Variants in CAMK4 observed in about 807,000 individuals in gnomAD.
CAMK4 encodes the protein calcium/calmodulin-dependent protein kinase type IV.
A neutral mutation model predicts 44.9 loss-of-function variants in CAMK4; 22 were observed. That is an observed-to-expected ratio of 0.49 (90% CI 0.35 to 0.70). The LOEUF (loss-of-function observed/expected upper bound fraction) is 0.70. Among genes scored for constraint, CAMK4 ranks in the 30% least tolerant of loss-of-function variants. CAMK4 has a pLI of 0.01. For missense variants in CAMK4, 498 were observed against 586.8 expected, an observed-to-expected ratio of 0.85 and a Z score of 1.56; for synonymous variants, 218 against 215.4, an observed-to-expected ratio of 1.01 and a Z score of -0.11.
At chr5:111,327,695 A>T (rs371349895) in intron 1 of CAMK4, among the ~76,000 whole-genome samples, 1 of 151,054 alleles carries the variant, frequency 6.6e-6, no homozygotes, top group African/African-American at 2.4e-5. Flanking sequence ...TTTAATGATC[A>T]CCATTCTAAC....
intron 5 of CAMK4, among the ~76,000 whole-genome samples, chr5:111,421,656 T>C (rs1456957425): frequency 6.6e-6 from 1 of 152,184 alleles, no homozygotes; most frequent in African/African-American, 2.4e-5. Flanking sequence ...TGTTTTTTTG[T>C]TTGTTTGTTT....
intron 1 of CAMK4, among the ~76,000 whole-genome samples, chr5:111,251,117 GT>G (rs1378013082): frequency 6.6e-6 from 1 of 152,174 alleles, no homozygotes; most frequent in African/African-American, 2.4e-5. Flanking sequence ...TTAGAGTTGC[GT>G]AGCTGTATTT....
rs1386002451 is a variant in CAMK4 at position 111,224,437 on chromosome 5, G to A, written c.-47G>A. Reference sequence around the variant, plus strand: ...GGCTGGCGGCCGGCTTCTCGCTCGGGCAGCGGCGGCGGCGGCGGCGGCGGC... The same window carrying A: ...GGCTGGCGGCCGGCTTCTCGCTCGGACAGCGGCGGCGGCGGCGGCGGCGGC... On this transcript the variant is annotated 5_prime_UTR_variant, in exon 1 of 11. Transcript: ENST00000282356. This position sits in a 1 kb window ranked among gnomAD's most constrained non-coding sequence, Gnocchi z 5.7. 1 of 1,539,562 alleles carries A rather than the reference G, an allele frequency of 6.5e-7. No homozygotes were observed. The highest frequency in any genetic ancestry group is 8.7e-7 in the Non-Finnish European group (1 of 1,146,304).
At chr5:111,278,000 A>G (rs1750848363) in intron 1 of CAMK4, among the ~76,000 whole-genome samples, 1 of 152,236 alleles carries the variant, frequency 6.6e-6, no homozygotes, top group Admixed American at 6.5e-5. Context: ...GAGAAAGAAG[A>G]AAAGTTAGTA....
chr5:111,412,521 A>G (rs1009038562), intron 5 of CAMK4, among the ~76,000 whole-genome samples: 11 of 152,236 alleles, frequency 7.2e-5, no homozygotes, highest in Admixed American at 6.5e-4. Context: ...TCAAACCAGT[A>G]TTTAACACTA....
intron 2 of CAMK4, among the ~76,000 whole-genome samples, chr5:111,370,574 A>T (rs1309587642): frequency 6.6e-6 from 1 of 152,090 alleles, no homozygotes; most frequent in Non-Finnish European, 1.5e-5. Context: ...TGTCCTTAAA[A>T]TTTTCTTTAA....
chr5:111,355,530 T>C (rs1750305092), intron 2 of CAMK4, among the ~76,000 whole-genome samples: 1 of 116,022 alleles, frequency 8.6e-6, no homozygotes. Context: ...ACTTTAAGTT[T>C]TAGGGTACAT....
At chr5:111,429,319 A>G (rs1326111248) in intron 5 of CAMK4, among the ~76,000 whole-genome samples, 1 of 152,192 alleles carries the variant, frequency 6.6e-6, no homozygotes, top group African/African-American at 2.4e-5. Flanking sequence ...AGCTAATACT[A>G]CAGAAATTCA....
intron 2 of CAMK4, among the ~76,000 whole-genome samples, chr5:111,353,990 T>C (rs914832091): frequency 2.6e-5 from 4 of 152,092 alleles, no homozygotes; most frequent in Non-Finnish European, 5.9e-5. Context: ...GTCAATATAT[T>C]AAAGAGGTAG....
intron 4 of CAMK4, among the ~76,000 whole-genome samples, chr5:111,390,029 CA>C (rs1257827588): frequency 6.6e-6 from 1 of 152,076 alleles, no homozygotes; most frequent in Admixed American, 6.6e-5. Context: ...TGAAGCATGT[CA>C]ATTAAATTTT....
chr5:111,406,635 A>T (rs1182713696), intron 5 of CAMK4, among the ~76,000 whole-genome samples: 2 of 151,266 alleles, frequency 1.3e-5, no homozygotes, highest in African/African-American at 2.5e-5. Flanking sequence ...AAGCTTCTAG[A>T]CCAGATGACT....
rs2112506777 is a variant in CAMK4 at position 111,484,755 on chromosome 5, A to T, written c.*289A>T. On this transcript the variant is annotated 3_prime_UTR_variant, in exon 11 of 11. Coordinates refer to ENST00000282356, the MANE Select transcript of CAMK4 (RefSeq NM_001744.6). The surrounding 1 kb of genome is among the most constrained non-coding windows in gnomAD (Gnocchi z 5.3). ...ACATTTTCAGCAACCAGTGGCACAT[A>T]TTTGAAGTGAATAGTAGCAAATTGT... 1.2e-5 allele frequency: 3 copies of T among 260,096 alleles called. No homozygotes were observed. In the South Asian group the frequency reaches 5.2e-4, roughly 45 times the overall value. 16.1% of individuals were successfully genotyped at this position (260,096 alleles called of 1,614,324 possible).
At chr5:111,266,511 G>C (rs1750252512) in intron 1 of CAMK4, among the ~76,000 whole-genome samples, 1 of 152,112 alleles carries the variant, frequency 6.6e-6, no homozygotes, top group South Asian at 2.1e-4. Flanking sequence ...CTTGAGTTTA[G>C]ACACCAGTGG....
In CAMK4 at chr5:111,273,019, C is replaced by G. The variant is rs189591860; in HGVS notation, c.161+48375C>G. ...GTGCCATATCTATTTCTGTGCTTCC[C>G]TGAGTCAGGAGTTGTTGTAAAGGGA... On this transcript the variant is annotated intron_variant, in intron 1 of 10. Transcript: ENST00000282356. Among the ~76,000 whole-genome samples the G allele has an allele frequency of 2.0e-5, 3 of 152,158 alleles. No individual in the cohort carries two copies. In the East Asian group the frequency reaches 5.8e-4, roughly 29 times the overall value.
intron 1 of CAMK4, among the ~76,000 whole-genome samples, chr5:111,285,278 AT>A (rs1215242546): frequency 6.6e-6 from 1 of 152,224 alleles, no homozygotes; most frequent in Non-Finnish European, 1.5e-5. Context: ...CATCTGAGAT[AT>A]TCATGTATCT....
chr5:111,297,467 T>C (rs1033814185), intron 1 of CAMK4, among the ~76,000 whole-genome samples: 2 of 152,224 alleles, frequency 1.3e-5, no homozygotes, highest in Non-Finnish European at 2.9e-5. Flanking sequence ...AGTGTCCTGC[T>C]GAGCCATATT....
intron 1 of CAMK4, among the ~76,000 whole-genome samples, chr5:111,293,022 C>G (rs1031284372): frequency 6.6e-6 from 1 of 152,080 alleles, no homozygotes; most frequent in African/African-American, 2.4e-5. Flanking sequence ...GGGCAGGCTT[C>G]CTGTATTTGA....
chr5:111,441,736 C>G (rs1055422334), intron 5 of CAMK4, among the ~76,000 whole-genome samples: 17 of 152,226 alleles, frequency 1.1e-4, no homozygotes, highest in Admixed American at 6.5e-4. Context: ...TTTATTCTTT[C>G]TAGTGCATTT....
rs1236928292 is a variant in CAMK4, at chr5:111,374,736, A to T, written c.241-114A>T. On this transcript the variant is annotated intron_variant, in intron 2 of 10. Coordinates refer to ENST00000282356, the MANE Select transcript of CAMK4 (RefSeq NM_001744.6). ...GGAAGGAGACACACAAAAGCTAAGG[A>T]ATTAGGCTCTGCGAATTGCCTGATT... 7.7e-5 allele frequency: 53 copies of T among 688,612 alleles called. No homozygotes were observed. In the East Asian group the frequency reaches 1.3e-3, roughly 17 times the overall value. The allele number at this position is 688,612 out of a possible 1,614,324, so 42.7% of individuals were successfully genotyped here.
Sources: allele counts gnomAD v4.1 joint callset (sites outside exome capture counted in the v4.1 genomes callset), GRCh38; gene constraint gnomAD v4.1.1; non-coding constraint Gnocchi (gnomAD v3.1); transcripts MANE v1.5; gene names NCBI Gene and HGNC (gene_info 2026-07-23, HGNC 2026-07-21).